The following PUM1 variants were observed in gnomAD, a reference collection of about 807,000 sequenced individuals.
The protein encoded by PUM1 is pumilio RNA binding family member 1, also known as pumilio homolog 1.
PUM1 carries 13 observed loss-of-function variants against 131.8 expected under a neutral mutation model. That is an observed-to-expected ratio of 0.10 (90% confidence interval 0.06 to 0.16). The LOEUF is 0.16. Ranked by LOEUF, PUM1 falls within the 10% of genes least tolerant of loss-of-function variation. The probability of loss-of-function intolerance (pLI) is 1.00; values close to 1 mark genes in which losing one functional copy is unlikely to be tolerated. For missense variants in PUM1, 961 were observed against 1,512.4 expected (o/e 0.64, Z 6.05); for synonymous variants, 509 against 556.5 (o/e 0.91, Z 1.20).
At chr1:31,057,891 C>T (rs552222221) in intron 2 of PUM1, among the ~76,000 whole-genome samples, 2 of 152,114 alleles carry the variant, frequency 1.3e-5, no homozygotes, top group African/African-American at 2.4e-5. Flanking sequence ...TCAGTACTGA[C>T]GGGTGACACA....
intron 3 of PUM1, among the ~76,000 whole-genome samples, chr1:31,022,553 T>A (rs1643068106): frequency 6.6e-6 from 1 of 152,186 alleles, no homozygotes; most frequent in Non-Finnish European, 1.5e-5. Flanking sequence ...GGAACTACGT[T>A]CCAAATCAGT....
intron 2 of PUM1, among the ~76,000 whole-genome samples, chr1:31,052,195 G>C (rs761261622): frequency 6.6e-6 from 1 of 151,832 alleles, no homozygotes; most frequent in African/African-American, 2.4e-5. Context: ...CATATTTTTA[G>C]TAGAGACAGG....
Position 30,964,683 on chromosome 1 carries a change from A to G in PUM1, c.2314T>C (p.Leu772=). ...GAGTAATGGTTCTTACCCAGGTTTA[A>G]GCTTGAAGAGGATCCATGTGAAGAG... ...SLSSHGSSSS[L]NLGGLTNGSG... Residue 772 remains leucine, a synonymous_variant, in exon 14 of 22, where the codon TTA becomes CTA. Transcript: ENST00000426105. 1 of 1,611,226 alleles carries G rather than the reference A, an allele frequency of 6.2e-7. No homozygotes were observed. Among genetic ancestry groups the G allele is most frequent in the Non-Finnish European group, 8.5e-7 (1 of 1,177,340 alleles).
chr1:30,993,205 G>A (rs932095657), intron 6 of PUM1, among the ~76,000 whole-genome samples: 1 of 152,036 alleles, frequency 6.6e-6, no homozygotes, highest in East Asian at 1.9e-4. Context: ...CTAAGAAACC[G>A]AAATAAGCAG....
At chr1:31,010,362 C>G (rs1196487694) in intron 3 of PUM1, among the ~76,000 whole-genome samples, 1 of 152,168 alleles carries the variant, frequency 6.6e-6, no homozygotes, top group Non-Finnish European at 1.5e-5. Flanking sequence ...TATGACATGC[C>G]TCTAAGAAAT....
At chr1:31,022,087 A>C (rs1046736756) in intron 3 of PUM1, among the ~76,000 whole-genome samples, 3 of 152,086 alleles carry the variant, frequency 2.0e-5, no homozygotes, top group African/African-American at 4.8e-5. Flanking sequence ...GAAAAAAAAA[A>C]AAAACAGAAT....
intron 14 of PUM1, among the ~76,000 whole-genome samples, chr1:30,957,459 G>C (rs1640217098): frequency 6.6e-6 from 1 of 152,134 alleles, no homozygotes; most frequent in African/African-American, 2.4e-5. Flanking sequence ...TAGCTCTGGG[G>C]GTTTGGGTGC....
At chr1:30,988,071 C>G (rs763829162) in intron 7 of PUM1, among the ~76,000 whole-genome samples, 30 of 152,006 alleles carry the variant, frequency 2.0e-4, no homozygotes, top group Non-Finnish European at 4.0e-4. Context: ...CTTTGTAATC[C>G]TACTTTATAC....
intron 3 of PUM1, among the ~76,000 whole-genome samples, chr1:31,015,650 T>C (rs1240250937): frequency 1.3e-5 from 2 of 149,522 alleles, no homozygotes; most frequent in Admixed American, 1.3e-4. Flanking sequence ...CACTTCAATG[T>C]AATTTATTTA....
intron 1 of PUM1, chr1:31,061,580 C>T (rs1463476764): frequency 6.6e-6 from 1 of 151,602 alleles, no homozygotes; most frequent in African/African-American, 2.4e-5. Flanking sequence ...AGCCGGGCGA[C>T]AGAGCGAGAC....
chr1:30,940,732 T>C (rs1469959784), intron 20 of PUM1, among the ~76,000 whole-genome samples: 1 of 152,202 alleles, frequency 6.6e-6, no homozygotes, highest in African/African-American at 2.4e-5. Flanking sequence ...CTGCATTTCA[T>C]TCTTGAGCTT....
chr1:31,014,452 C>T (rs1642738672), intron 3 of PUM1, among the ~76,000 whole-genome samples: 1 of 151,264 alleles, frequency 6.6e-6, no homozygotes, highest in Non-Finnish European at 1.5e-5. Flanking sequence ...CCAGCCTGAG[C>T]AACATGCCAA....
At chr1:31,058,263 A>G (rs1469232720) in intron 2 of PUM1, among the ~76,000 whole-genome samples, 3 of 152,204 alleles carry the variant, frequency 2.0e-5, no homozygotes, top group African/African-American at 7.2e-5. Context: ...CCCACACCCA[A>G]GAGAAAAGAT....
chr1:31,039,737 C>T (rs959851493), intron 2 of PUM1, among the ~76,000 whole-genome samples: 32 of 152,004 alleles, frequency 2.1e-4, no homozygotes, highest in Middle Eastern at 3.4e-3. Flanking sequence ...CCCGTCTCTA[C>T]TAAAAACACA....
intron 2 of PUM1, among the ~76,000 whole-genome samples, chr1:31,031,709 C>T (rs1379581821): frequency 1.3e-5 from 2 of 152,170 alleles, no homozygotes; most frequent in African/African-American, 2.4e-5. Flanking sequence ...GATGAATGTG[C>T]TCTCTTGGTC....
chr1:31,040,045 G>A (rs1262364945), intron 2 of PUM1, among the ~76,000 whole-genome samples: 1 of 152,156 alleles, frequency 6.6e-6, no homozygotes, highest in Non-Finnish European at 1.5e-5. Context: ...TTATCATTGA[G>A]AATTCTAATT....
Position 30,984,609 on chromosome 1 carries a change from T to C in PUM1, c.1159-3204A>G, listed in dbSNP as rs57251527. On this transcript the variant is annotated intron_variant, in intron 7 of 21. Transcript: ENST00000426105. ...AAATGTATCATCTACTTCAAGCATATCGAGGTTCCTAATAAATACTGAAGG... is the reference window on the plus strand; with the variant it reads ...AAATGTATCATCTACTTCAAGCATACCGAGGTTCCTAATAAATACTGAAGG... Among the ~76,000 whole-genome samples, 1,036 of 152,250 alleles carry C rather than the reference T, an allele frequency of 6.8e-3. 8 individuals are homozygous for C. The highest frequency in any genetic ancestry group is 0.022 in the African/African-American group (924 of 41,532).
intron 20 of PUM1, among the ~76,000 whole-genome samples, chr1:30,937,381 C>T (rs1165771535): frequency 6.6e-6 from 1 of 152,148 alleles, no homozygotes; most frequent in Non-Finnish European, 1.5e-5. Flanking sequence ...TGGTGCATGC[C>T]TGTAATCCCA....
chr1:31,015,372 C>T (rs917255725), intron 3 of PUM1, among the ~76,000 whole-genome samples: 4 of 151,510 alleles, frequency 2.6e-5, no homozygotes, highest in Non-Finnish European at 5.9e-5. Flanking sequence ...GACGGAGTCT[C>T]GCTCTGTTGC....
Sources: gnomAD v4.1 joint callset for allele counts (sites outside exome capture counted in the v4.1 genomes callset) on GRCh38, gnomAD v4.1.1 for gene constraint, MANE v1.5 for transcripts, NCBI Gene and HGNC (gene_info 2026-07-23, HGNC 2026-07-21) for gene names.